The following ABCC1 variants were observed in gnomAD, a reference collection of about 807,000 sequenced individuals.
ABCC1 encodes the protein multidrug resistance-associated protein 1.
In ABCC1, 83 loss-of-function variants were observed where a neutral mutation model predicts 172.9. The ratio of observed to expected loss-of-function variants is 0.48; its 90% CI spans 0.40 to 0.58. The LOEUF (loss-of-function observed/expected upper bound fraction) is 0.58, where lower values mean the gene tolerates loss of function less well. Among genes scored for constraint, ABCC1 ranks in the 20% least tolerant of loss-of-function variants. The pLI, the probability that ABCC1 is intolerant of heterozygous loss-of-function variation, is 0.00. For synonymous variants in ABCC1, 937 were observed against 825.2 expected, an observed-to-expected ratio of 1.14 and a Z score of -2.32; for missense variants, 1,817 against 2,002.7, an observed-to-expected ratio of 0.91 and a Z score of 1.77.
chr16:16,016,386 T>A (rs572937092), intron 4 of ABCC1, 110 bp from the exon 5 acceptor site: 5 of 1,362,630 alleles, frequency 3.7e-6, no homozygotes, highest in African/African-American at 2.9e-5. Flanking sequence ...ACTCTTGACC[T>A]CAGGTGTTCT....
chr16:15,982,803 C>CAAAAAAAAAAAAA (rs148834444), intron 1 of ABCC1, among the ~76,000 whole-genome samples: 5,119 of 42,914 alleles, frequency 0.12, 1,333 homozygotes, highest in Non-Finnish European at 0.15. Context: ...GAGACGCTGT[C>CAAAAAAAAAAAAA]AAAAAAAAAA....
intron 2 of ABCC1, 147 bp from the exon 3 acceptor site, chr16:16,009,629 C>A: frequency 1.3e-6 from 1 of 798,504 alleles, no homozygotes; most frequent in Non-Finnish European, 1.8e-6. Flanking sequence ...GTCCTTATTC[C>A]AGTGGATATG....
At chr16:16,069,052 A>G (rs2050222752) in intron 13 of ABCC1, among the ~76,000 whole-genome samples, 1 of 150,878 alleles carries the variant, frequency 6.6e-6, no homozygotes. Flanking sequence ...ACATGCCTGT[A>G]ATCCCAGCAC....
chr16:16,042,574 A>G (rs1313672408), intron 7 of ABCC1, among the ~76,000 whole-genome samples: 2 of 151,940 alleles, frequency 1.3e-5, no homozygotes, highest in African/African-American at 2.4e-5. Context: ...GTGGTAGCGC[A>G]CACCTGTAAT....
Position 16,071,642 on chromosome 16 carries a change from G to C in ABCC1, c.1825G>C (p.Ala609Pro). 6.2e-7 allele frequency: 1 copy of C among 1,613,738 alleles called. No individual in the cohort carries two copies. The highest frequency in any genetic ancestry group is 8.5e-7 in the Non-Finnish European group (1 of 1,179,858). Residue 609 changes from alanine to proline, a missense_variant and splice_region_variant, in exon 14 of 31, where the codon GCG becomes CCG. This residue lies in a region of ABCC1 where 1,412 missense variants were observed against 1,600.3 expected (regional missense o/e 0.88). Transcript: ENST00000399410. Reference sequence around the variant, plus strand: ...TCCCCTGCCATTGCTCTCTGTACAGGCGAGTGTCTCCCTCAAACGCCTGAG... The same window carrying C: ...TCCCCTGCCATTGCTCTCTGTACAGCCGAGTGTCTCCCTCAAACGCCTGAG... ...LPMVISSIVQ[A>P]SVSLKRLRIF...
rs370460993 is a variant in ABCC1, at chr16:16,002,232, G to GA, written c.49-5578dup. On this transcript the variant is annotated intron_variant, in intron 1 of 30. Coordinates refer to ENST00000399410, the MANE Select transcript of ABCC1 (RefSeq NM_004996.4). ...TGATCTTTAAAATCTGTGGTTAAGA[G>GA]AAAAAAGCAAAGTACGGAACATTAT... Among the ~76,000 whole-genome samples the GA allele has an allele frequency of 6.8e-3, 1,033 of 152,208 alleles. 10 individuals are homozygous for GA. Among genetic ancestry groups the GA allele is most frequent in the African/African-American group, 0.022 (908 of 41,532 alleles).
rs547618097 is a variant in ABCC1 at position 16,098,818 on chromosome 16, G to T, written c.2645-3809G>T. On this transcript the variant is annotated intron_variant, in intron 19 of 30. Coordinates refer to ENST00000399410, the MANE Select transcript of ABCC1 (RefSeq NM_004996.4). ...ACTCCTTTATTTAGATAGGGGCTTA[G>T]GGCGGGAGTTTCGCTTTGCTTCTTA... The T allele has an allele frequency of 4.5e-6, 6 of 1,337,240 alleles. No homozygotes were observed. In the East Asian group the frequency reaches 2.7e-4, roughly 61 times the overall value. 82.8% of individuals were successfully genotyped at this position (1,337,240 alleles called of 1,614,324 possible).
At chr16:16,140,982 C>G (rs1055918459) in intron 30 of ABCC1, among the ~76,000 whole-genome samples, 191 bp from the exon 31 acceptor site, 3 of 152,168 alleles carry the variant, frequency 2.0e-5, no homozygotes, top group Admixed American at 1.3e-4. Flanking sequence ...AGGAGCTGGC[C>G]TCATGGGAAT....
intron 6 of ABCC1, among the ~76,000 whole-genome samples, chr16:16,033,936 C>T (rs1469047786): frequency 1.3e-5 from 2 of 148,284 alleles, no homozygotes; most frequent in African/African-American, 4.9e-5. Context: ...CCTTCTGGTC[C>T]TCTTTTTGTA....
At chr16:15,967,758 CA>C (rs11287273) in intron 1 of ABCC1, among the ~76,000 whole-genome samples, 76,664 of 122,542 alleles carry the variant, frequency 0.63, 22,249 homozygotes, top group South Asian at 0.76. Context: ...GCACTGTCTC[CA>C]AAAAAAAAAA....
At chr16:16,033,064 A>T (rs1289803517) in intron 5 of ABCC1, 45 bp from the exon 6 acceptor site, 9 of 1,586,336 alleles carry the variant, frequency 5.7e-6, no homozygotes, top group Non-Finnish European at 6.9e-6. Context: ...AAGTCAAATC[A>T]TTCCTTTCCC....
At chr16:15,996,088 G>C (rs182374077) in intron 1 of ABCC1, among the ~76,000 whole-genome samples, 1 of 149,346 alleles carries the variant, frequency 6.7e-6, no homozygotes, top group Admixed American at 6.8e-5. Flanking sequence ...GGGTTCAAGC[G>C]ATTCTCCTGT....
intron 21 of ABCC1, among the ~76,000 whole-genome samples, chr16:16,108,695 A>G (rs1246849041): frequency 6.6e-6 from 1 of 151,362 alleles, no homozygotes; most frequent in Non-Finnish European, 1.5e-5. Context: ...TCCCGGATTC[A>G]AGTGATTCTC....
intron 6 of ABCC1, among the ~76,000 whole-genome samples, chr16:16,035,379 G>T (rs918212970): frequency 1.3e-5 from 2 of 152,104 alleles, no homozygotes; most frequent in Admixed American, 6.6e-5. Context: ...CCTGGATGGA[G>T]TGACATAGAA....
chr16:16,045,685 C>A, intron 8 of ABCC1, 151 bp from the exon 9 acceptor site: 2 of 801,806 alleles, frequency 2.5e-6, no homozygotes, highest in Non-Finnish European at 3.9e-6. Context: ...GCCAGATCAC[C>A]ACTGTGGACT....
At chr16:16,070,213 C>T (rs1567370362) in intron 13 of ABCC1, among the ~76,000 whole-genome samples, 1 of 151,670 alleles carries the variant, frequency 6.6e-6, no homozygotes, top group Non-Finnish European at 1.5e-5. Flanking sequence ...CCTTAATCTA[C>T]AAAAAATAAC....
intron 12 of ABCC1, among the ~76,000 whole-genome samples, chr16:16,066,558 T>C (rs2050119834): frequency 1.3e-5 from 2 of 152,144 alleles, no homozygotes; most frequent in South Asian, 4.1e-4. Context: ...CTCCTTTTTA[T>C]GGTTGAGAAG....
At chr16:16,107,352 C>T (rs186075771) in intron 21 of ABCC1, among the ~76,000 whole-genome samples, 39 of 152,128 alleles carry the variant, frequency 2.6e-4, no homozygotes, top group African/African-American at 8.9e-4. Flanking sequence ...TGCAGTGGTG[C>T]GATCTCGGCT....
At chr16:16,055,961 A>G in intron 11 of ABCC1, 131 bp from the exon 12 acceptor site, 2 of 848,238 alleles carry the variant, frequency 2.4e-6, no homozygotes, top group South Asian at 3.8e-5. Flanking sequence ...AAAGAAAAAA[A>G]AAAATCAATA....
Sources: allele counts gnomAD v4.1 joint callset (sites outside exome capture counted in the v4.1 genomes callset), GRCh38; gene constraint gnomAD v4.1.1; regional missense constraint gnomAD v4.1.1; transcripts MANE v1.5; gene names NCBI Gene and HGNC (gene_info 2026-07-23, HGNC 2026-07-21).